TUT1: variants seen among roughly 807,000 people sequenced by gnomAD.
The protein encoded by TUT1 is speckle targeted PIP5K1A-regulated poly(A) polymerase.
A neutral mutation model predicts 48.8 loss-of-function variants in TUT1; 26 were observed. That is an observed-to-expected ratio of 0.53 (90% CI 0.39 to 0.74). The LOEUF is 0.74. TUT1 is among the 30% of genes least tolerant of loss of function. TUT1 has a pLI of 0.00. For synonymous variants in TUT1, 470 were observed against 460.8 expected (o/e 1.02, Z -0.26); for missense variants, 1,065 against 1,114.8 (o/e 0.96, Z 0.64).
chr11:62,588,499 A>C (rs1049127114), intron 2 of TUT1, among the ~76,000 whole-genome samples: 3 of 152,136 alleles, frequency 2.0e-5, no homozygotes, highest in African/African-American at 7.2e-5. Flanking sequence ...CGTCACAGTG[A>C]GCTGAGATTG....
chr11:62,580,392 G>A (rs1283203117), intron 4 of TUT1, among the ~76,000 whole-genome samples: 5 of 151,560 alleles, frequency 3.3e-5, no homozygotes, highest in Non-Finnish European at 5.9e-5. Context: ...CCCAGGAGGT[G>A]GAGGTTGCAG....
At position 62,575,964 on chromosome 11, in the gene TUT1, C is replaced by A; in HGVS notation, c.1755G>T (p.Arg585=). 1 of 1,614,066 alleles carries A rather than the reference C, an allele frequency of 6.2e-7. No individual in the cohort carries two copies. Among genetic ancestry groups the A allele is most frequent in the Non-Finnish European group, 8.5e-7 (1 of 1,180,020 alleles). ...RSLQYQRRSS[R]GRDWGLLPLL... ...GAGGGAGCAGCCCCCAGTCCCGACC[C>A]CGGGAGGAACGGCGCTGGTACTGGA... The change falls in exon 9 of 9, where the codon CGG becomes CGT. Residue 585 remains arginine (R), a synonymous_variant. Transcript: ENST00000476907.
intron 1 of TUT1, 27 bp from the exon 2 acceptor site, chr11:62,589,248 C>T (rs768364767): frequency 6.2e-7 from 1 of 1,609,884 alleles, no homozygotes; most frequent in South Asian, 1.1e-5. Context: ...GAGACAAAAA[C>T]ATGCAAAGCA....
rs572413642 is a variant in TUT1 at position 62,582,634 on chromosome 11, C to T, written c.274-933G>A. On this transcript the variant is annotated intron_variant, in intron 2 of 8. Transcript: ENST00000476907. Reference sequence around the variant, plus strand: ...TAGAAAAACAATTCTTTCCCTCACTCCTATTCCAAACATTTTACTCTCACC... The same window carrying T: ...TAGAAAAACAATTCTTTCCCTCACTTCTATTCCAAACATTTTACTCTCACC... 405 of 452,742 alleles carry T rather than the reference C, an allele frequency of 8.9e-4. 3 individuals carry two copies. The highest frequency in any genetic ancestry group is 5.6e-3 in the South Asian group (358 of 63,766). 28.0% of individuals were successfully genotyped at this position (452,742 alleles called of 1,614,324 possible). A position where few individuals can be genotyped will look rare whatever the true frequency, so the allele number is the denominator to read the frequency against.
In TUT1 at chr11:62,581,421, G is replaced by A. The variant is rs1941822763; in HGVS notation, c.554C>T (p.Ala185Val). The change falls in exon 3 of 9, where the codon GCC becomes GTC. Residue 185 changes from alanine (A) to valine (V), a missense_variant. Ala to Val is a moderately conservative substitution (Grantham distance 64). Transcript: ENST00000476907. ...AERQLRSLVV[A>V]LMQEVFTEFF... ...CTCTGTGAAGACCTCCTGCATCAGG[G>A]CCACCACTAGGCTGCGAAGCTGCCG... 2.5e-6 allele frequency: 4 copies of A among 1,610,560 alleles called. No individual in the cohort carries two copies. Among genetic ancestry groups the A allele is most frequent in the Non-Finnish European group, 3.4e-6 (4 of 1,178,894 alleles).
chr11:62,577,774 T>A (rs1288706337), intron 5 of TUT1, among the ~76,000 whole-genome samples: 2 of 152,052 alleles, frequency 1.3e-5, no homozygotes, highest in Non-Finnish European at 2.9e-5. Context: ...CCCTTGAAAG[T>A]AGTATTCTAG....
At chr11:62,586,850 GCC>G (rs1215378146) in intron 2 of TUT1, among the ~76,000 whole-genome samples, 29 of 150,250 alleles carry the variant, frequency 1.9e-4, no homozygotes, top group Middle Eastern at 3.4e-3. Context: ...GATTACAGGC[GCC>G]TGCCACCACA....
In TUT1 at chr11:62,576,311, C is replaced by T. The variant is rs374138679; in HGVS notation, c.1475-67G>A. ...GGCCAGAACTGATACAGGTCCTGCA[C>T]CAGAGCCATTTCCTTAGCAGGACTT... On this transcript the variant is annotated intron_variant, in intron 8 of 8. Coordinates refer to ENST00000476907, the MANE Select transcript of TUT1 (RefSeq NM_022830.3). 2.2e-4 allele frequency: 325 copies of T among 1,446,386 alleles called. 3 individuals are homozygous for T. The South Asian group carries it at 4.4e-3, about 19-fold the overall frequency. The allele number at this position is 1,446,386 out of a possible 1,614,324, so 89.6% of individuals were successfully genotyped here.
chr11:62,586,119 A>G (rs1666516441), intron 2 of TUT1, among the ~76,000 whole-genome samples: 1 of 152,170 alleles, frequency 6.6e-6, no homozygotes, highest in Non-Finnish European at 1.5e-5. Context: ...ACTCCATCTC[A>G]AATAAATAAA....
intron 5 of TUT1, 63 bp downstream of exon 5, chr11:62,578,498 T>C: frequency 3.4e-6 from 5 of 1,453,888 alleles, no homozygotes; most frequent in African/African-American, 1.4e-5. Context: ...AGAGCCAAGA[T>C]GGCACCACTG....
At chr11:62,588,203 A>C (rs1190591752) in intron 2 of TUT1, among the ~76,000 whole-genome samples, 1 of 152,240 alleles carries the variant, frequency 6.6e-6, no homozygotes, top group Non-Finnish European at 1.5e-5. Context: ...TCACTGAATC[A>C]ATAGATGACA....
Position 62,575,822 on chromosome 11 carries a change from A to T in TUT1, c.1897T>A (p.Cys633Ser). The part of the protein sequence containing the change: ...LVQVFREALG[C>S]HIEQATKRTR... Reference sequence around the variant, plus strand: ...CTCTTGGTTGCCTGTTCTATATGGCACCCCAGTGCTTCCCTGAATACCTGC... The same window carrying T: ...CTCTTGGTTGCCTGTTCTATATGGCTCCCCAGTGCTTCCCTGAATACCTGC... The change falls in exon 9 of 9, where the codon TGC (cysteine) becomes AGC (serine). Residue 633 changes from cysteine to serine, a missense_variant. Physicochemically the swap from Cys to Ser is moderately radical, Grantham distance 112. Transcript: ENST00000476907. 2.5e-6 allele frequency: 4 copies of T among 1,613,808 alleles called. No homozygotes were observed. The highest frequency in any genetic ancestry group is 3.4e-6 in the Non-Finnish European group (4 of 1,179,962).
intron 2 of TUT1, among the ~76,000 whole-genome samples, chr11:62,583,330 C>T (rs770140987): frequency 1.3e-5 from 2 of 151,468 alleles, no homozygotes; most frequent in Non-Finnish European, 3.0e-5. Context: ...AGAGGAAAAA[C>T]GCCGGGCGCA....
chr11:62,579,687 T>C (rs1025939314), intron 4 of TUT1, among the ~76,000 whole-genome samples: 2 of 146,930 alleles, frequency 1.4e-5, no homozygotes, highest in Admixed American at 1.4e-4. Context: ...TTTTTTGAGA[T>C]GGAGTCTCAA....
At position 62,578,818 on chromosome 11, in the gene TUT1, AGAAGC is replaced by A. The variant is rs1277688294; in HGVS notation, c.898_902del (p.Ala300SerfsTer80). The stretch of plus-strand genomic sequence containing the variant: ...GTGAAGCTGGAGGCAGAGACTGGGG[AGAAGC>A]AAGGGTCTCGGAGGCCAAGGCAGAG... On this transcript the variant is annotated frameshift_variant, in exon 5 of 9. Transcript: ENST00000476907. LOFTEE classifies it high-confidence loss of function. 3 of 1,614,010 alleles carry A rather than the reference AGAAGC, an allele frequency of 1.9e-6. No individual in the cohort carries two copies. Among genetic ancestry groups the A allele is most frequent in the Non-Finnish European group, 2.5e-6 (3 of 1,180,000 alleles).
At chr11:62,579,335 A>G (rs529362358) in intron 4 of TUT1, among the ~76,000 whole-genome samples, 1 of 152,352 alleles carries the variant, frequency 6.6e-6, no homozygotes, top group East Asian at 1.9e-4. Context: ...TATGGACTGT[A>G]AAGTCTGTAA....
At chr11:62,584,840 GAGA>G (rs980042019) in intron 2 of TUT1, among the ~76,000 whole-genome samples, 3 of 141,980 alleles carry the variant, frequency 2.1e-5, no homozygotes, top group Non-Finnish European at 3.1e-5. Flanking sequence ...TTTTTTTTTT[GAGA>G]AGGAGTCTCG....
rs1942015140 is a variant in TUT1 at position 62,591,523 on chromosome 11, T to C, written c.-38A>G. On this transcript the variant is annotated 5_prime_UTR_variant, in exon 1 of 9. Coordinates refer to ENST00000476907, the MANE Select transcript of TUT1 (RefSeq NM_022830.3). ...GTACCGACAAAAACACAAGCACCTC[T>C]GCCACCACCGGAACCCACTTCGCCA... 4 of 1,613,208 alleles carry C rather than the reference T, an allele frequency of 2.5e-6. No individual in the cohort carries two copies. Among genetic ancestry groups the C allele is most frequent in the Non-Finnish European group, 3.4e-6 (4 of 1,179,654 alleles).
rs1455885456 is a variant in TUT1, at chr11:62,578,679, G to T, written c.1042C>A (p.Leu348Ile). Reference protein sequence around the residue: ...AAMLELVGSILRGCVPGVYRV... With the variant: ...AAMLELVGSIIRGCVPGVYRV... ...TACACCCCAGGGACACAGCCCCGGA[G>T]AATGGATCCCACCAGCTCCAGCATT... is the stretch of plus-strand genomic sequence containing the variant. Residue 348 changes from leucine to isoleucine, a missense_variant, in exon 5 of 9, where the codon CTC (leucine) becomes ATC (isoleucine). By Grantham distance (5) the Leu-to-Ile change is conservative (BLOSUM62 2). Coordinates refer to ENST00000476907, the MANE Select transcript of TUT1 (RefSeq NM_022830.3). 5 of 1,614,110 alleles carry T rather than the reference G, an allele frequency of 3.1e-6. No homozygotes were observed. The Admixed American group carries it at 5.0e-5, about 16-fold the overall frequency.
Sources: allele counts gnomAD v4.1 joint callset (sites outside exome capture counted in the v4.1 genomes callset), GRCh38; gene constraint gnomAD v4.1.1; transcripts MANE v1.5; gene names NCBI Gene and HGNC (gene_info 2026-07-23, HGNC 2026-07-21).